Variants in MLLT10 observed in about 807,000 individuals in gnomAD.
The protein encoded by MLLT10 is MLLT10 histone lysine methyltransferase DOT1L cofactor, also known as protein AF-10.
In MLLT10, 30 loss-of-function variants were observed where a neutral mutation model predicts 129.1. The observed-to-expected ratio is 0.23, with a 90% confidence interval of 0.17 to 0.32. MLLT10 has a LOEUF of 0.32. Ranked by LOEUF, MLLT10 falls within the 10% of genes least tolerant of loss-of-function variation. MLLT10 has a pLI of 1.00. For synonymous variants in MLLT10, 490 were observed against 446.4 expected, an observed-to-expected ratio of 1.10 and a Z score of -1.23; for missense variants, 1,119 against 1,268.3, an observed-to-expected ratio of 0.88 and a Z score of 1.79.
intron 3 of MLLT10, among the ~76,000 whole-genome samples, chr10:21,540,559 G>A (rs1424004517): frequency 3.9e-5 from 6 of 151,972 alleles, no homozygotes; most frequent in Non-Finnish European, 8.8e-5. Context: ...AACACAGTGA[G>A]GGAGGTATGT....
intron 13 of MLLT10, among the ~76,000 whole-genome samples, chr10:21,689,624 C>T (rs1258434278): frequency 7.1e-6 from 1 of 140,442 alleles, no homozygotes; most frequent in African/African-American, 2.7e-5. Flanking sequence ...TATATACACA[C>T]ACACACACAC....
chr10:21,668,846 G>GATACATGAGCAAAA (rs1258579696), intron 9 of MLLT10: 4 of 1,086,414 alleles, frequency 3.7e-6, no homozygotes, highest in Non-Finnish European at 4.6e-6. Flanking sequence ...TTCTTTATTT[G>GATACATGAGCAAAA]ATACATGAGC....
intron 9 of MLLT10, among the ~76,000 whole-genome samples, chr10:21,656,353 A>T (rs1028023930): frequency 6.6e-6 from 1 of 152,210 alleles, no homozygotes; most frequent in Admixed American, 6.5e-5. Context: ...TTGGAGGTAC[A>T]TGTAATATTT....
intron 21 of MLLT10, among the ~76,000 whole-genome samples, chr10:21,736,767 G>A (rs2058401914): frequency 6.6e-6 from 1 of 152,208 alleles, no homozygotes; most frequent in Non-Finnish European, 1.5e-5. Flanking sequence ...CAAGTCAAAT[G>A]GAGATAAGGC....
chr10:21,650,506 T>C (rs1419520773), intron 8 of MLLT10, among the ~76,000 whole-genome samples: 1 of 152,096 alleles, frequency 6.6e-6, no homozygotes, highest in Non-Finnish European at 1.5e-5. Context: ...ACATCTGTCT[T>C]TAATTTGTAT....
rs959606359 is a variant in MLLT10 at position 21,700,616 on chromosome 10, C to A, written c.1700-13156C>A. The stretch of plus-strand genomic sequence containing the variant: ...ATGCTTTTTCTGCATCTGAGATGAT[C>A]ATATGGGTTTTGTCCTTTATTCTAT... On this transcript the variant is annotated intron_variant, in intron 13 of 22. Coordinates refer to ENST00000307729, the MANE Select transcript of MLLT10 (RefSeq NM_001195626.3). 2.0e-5 allele frequency among the ~76,000 whole-genome samples: 3 copies of A among 152,130 alleles called. No homozygotes were observed. The East Asian group carries it at 5.8e-4, about 29-fold the overall frequency.
intron 14 of MLLT10, among the ~76,000 whole-genome samples, chr10:21,717,507 T>TCCACCA: frequency 1.2e-5 from 1 of 86,354 alleles, no homozygotes; most frequent in African/African-American, 4.4e-5. Flanking sequence ...CTCCTCCTCC[T>TCCACCA]CCTCCTCCAC....
At chr10:21,557,695 T>C (rs138079083) in intron 3 of MLLT10, 80 of 152,118 alleles carry the variant, frequency 5.3e-4, no homozygotes, top group Middle Eastern at 3.4e-3. Context: ...AAGAAGGGGC[T>C]CTCTAGAAGA....
intron 9 of MLLT10, among the ~76,000 whole-genome samples, chr10:21,669,876 T>C (rs1225689582): frequency 1.3e-5 from 2 of 152,206 alleles, no homozygotes; most frequent in Non-Finnish European, 2.9e-5. Context: ...TATAACTTTT[T>C]CCTCAACATA....
At chr10:21,696,288 C>T (rs894584341) in intron 13 of MLLT10, among the ~76,000 whole-genome samples, 4 of 151,626 alleles carry the variant, frequency 2.6e-5, no homozygotes, top group African/African-American at 4.8e-5. Context: ...CTTGTGGACT[C>T]GGGTATTTGT....
Position 21,743,461 on chromosome 10 carries a change from T to TA in MLLT10, c.*1484dup, listed in dbSNP as rs1327574460. 2 of 191,720 alleles carry TA rather than the reference T, an allele frequency of 1.0e-5. No individual in the cohort carries two copies. Among genetic ancestry groups the TA allele is most frequent in the East Asian group, 8.5e-5 (1 of 11,738 alleles). 11.9% of individuals were successfully genotyped at this position (191,720 alleles called of 1,614,324 possible). ...AAAGTCAAATCTTTTGTAGATAATT[T>TA]AAAAAATCAGTGTGGTTTATTTTAC... On this transcript the variant is annotated 3_prime_UTR_variant, in exon 23 of 23. Coordinates refer to ENST00000307729, the MANE Select transcript of MLLT10 (RefSeq NM_001195626.3).
At chr10:21,595,224 T>C in intron 4 of MLLT10, 107 bp from the exon 5 acceptor site, 3 of 710,716 alleles carry the variant, frequency 4.2e-6, no homozygotes, top group South Asian at 2.4e-5. Context: ...AATGTCCTTG[T>C]TGTGCATTTA....
At chr10:21,683,165 T>G (rs1242418748) in intron 13 of MLLT10, among the ~76,000 whole-genome samples, 1 of 152,180 alleles carries the variant, frequency 6.6e-6, no homozygotes, top group Non-Finnish European at 1.5e-5. Flanking sequence ...ACTAATGGCA[T>G]AATGAGCAGG....
intron 3 of MLLT10, among the ~76,000 whole-genome samples, chr10:21,567,496 G>T (rs1358750370): frequency 6.6e-6 from 1 of 152,120 alleles, no homozygotes; most frequent in Non-Finnish European, 1.5e-5. Flanking sequence ...GGCAGATGGT[G>T]GTGGAAGTCC....
intron 16 of MLLT10, among the ~76,000 whole-genome samples, chr10:21,729,894 CTGTT>C (rs2057813664): frequency 1.3e-5 from 2 of 152,074 alleles, no homozygotes; most frequent in African/African-American, 2.4e-5. Flanking sequence ...AATACAAGTG[CTGTT>C]TGTTTTAGAA....
intron 4 of MLLT10, among the ~76,000 whole-genome samples, chr10:21,586,600 G>A (rs1289923382): frequency 1.3e-5 from 2 of 151,966 alleles, no homozygotes; most frequent in Admixed American, 1.3e-4. Flanking sequence ...AAATTCTTAT[G>A]TTTTTGGCTG....
intron 11 of MLLT10, among the ~76,000 whole-genome samples, chr10:21,674,368 G>A (rs1214505946): frequency 2.6e-5 from 4 of 152,062 alleles, no homozygotes; most frequent in African/African-American, 9.7e-5. Flanking sequence ...TCCTCACACA[G>A]ATACTACTTG....
intron 4 of MLLT10, among the ~76,000 whole-genome samples, chr10:21,592,250 T>C (rs1018809163): frequency 1.3e-5 from 2 of 152,212 alleles, no homozygotes; most frequent in Admixed American, 1.3e-4. Flanking sequence ...TATCACTCTT[T>C]ATATTTTTCT....
At chr10:21,732,149 C>A (rs562997174) in intron 17 of MLLT10, among the ~76,000 whole-genome samples, 2 of 152,238 alleles carry the variant, frequency 1.3e-5, no homozygotes, top group Non-Finnish European at 2.9e-5. Context: ...CTTCTAAAGG[C>A]CCTGAGGTCA....
Sources: allele counts gnomAD v4.1 joint callset (sites outside exome capture counted in the v4.1 genomes callset), GRCh38; gene constraint gnomAD v4.1.1; transcripts MANE v1.5; gene names NCBI Gene and HGNC (gene_info 2026-07-23, HGNC 2026-07-21).